COMMD4: variants seen among roughly 807,000 people sequenced by gnomAD.
COMMD4 encodes the protein COMM domain containing 4.
In COMMD4, 18 loss-of-function variants were observed where a neutral mutation model predicts 27.5. The ratio of observed to expected loss-of-function variants is 0.65; its 90% CI spans 0.45 to 0.97. The LOEUF (loss-of-function observed/expected upper bound fraction) is 0.97, where lower values mean the gene tolerates loss of function less well. COMMD4 is among the 50% of genes least tolerant of loss of function. The probability of loss-of-function intolerance (pLI) is 0.00; values close to 1 mark genes in which losing one functional copy is unlikely to be tolerated. For missense variants in COMMD4, 243 were observed against 250.0 expected (o/e 0.97, Z 0.19); for synonymous variants, 108 against 108.4 (o/e 1.00, Z 0.02).
chr15:75,339,342 G>A lies in COMMD4; in HGVS notation c.380G>A (p.Arg127His), dbSNP rs757793812. The A allele has an allele frequency of 6.8e-6, 11 of 1,610,886 alleles. No homozygotes were observed. Among genetic ancestry groups the A allele is most frequent in the African/African-American group, 1.3e-5 (1 of 74,842 alleles). ...AAGCACTTGCGGGTCTGCAGCCTAC[G>A]CAGTAAGTATGAGGCCAGCCAGGGT... ...LQKHLRVCSLRMNRLAGVGWR... is the reference protein window; with the variant it reads ...LQKHLRVCSLHMNRLAGVGWR... The change falls in exon 6 of 8, where the codon CGC (arginine) becomes CAC (histidine). Residue 127 changes from arginine to histidine, a missense_variant and splice_region_variant. Arg to His is a conservative substitution (Grantham distance 29, BLOSUM62 0). Coordinates refer to ENST00000267935, the MANE Select transcript of COMMD4 (RefSeq NM_017828.5).
chr15:75,337,647 G>A (rs967966177), intron 1 of COMMD4: 13 of 207,178 alleles, frequency 6.3e-5, no homozygotes, highest in Non-Finnish European at 1.1e-4. Flanking sequence ...GCATGGAGGC[G>A]GGAGCAAGGC....
At chr15:75,336,245 A>T (rs533436679) in intron 1 of COMMD4, 153 bp downstream of exon 1, 1 of 1,525,414 alleles carries the variant, frequency 6.6e-7, no homozygotes, top group Non-Finnish European at 8.8e-7. Flanking sequence ...GGAAAAGTCC[A>T]CCACTCTCCC....
chr15:75,336,118 C>T (rs1374443694), intron 1 of COMMD4, 26 bp downstream of exon 1: 10 of 1,549,794 alleles, frequency 6.5e-6, no homozygotes, highest in Middle Eastern at 2.2e-4. Context: ...CGAAGCGAGG[C>T]TTGGGCTGCT....
At chr15:75,337,811 A>G in intron 1 of COMMD4, 1 of 549,938 alleles carries the variant, frequency 1.8e-6, no homozygotes, top group South Asian at 2.2e-5. Flanking sequence ...TAGCACAGAG[A>G]AGGTGCTTAA....
At chr15:75,337,986 A>G (rs2071273682) in intron 1 of COMMD4, 76 bp from the exon 2 acceptor site, 2 of 1,432,772 alleles carry the variant, frequency 1.4e-6, no homozygotes, top group South Asian at 2.5e-5. Context: ...GGTGGGCAGC[A>G]GTGTGGGAGA....
chr15:75,338,915 AGTT>A, intron 4 of COMMD4, 67 bp from the exon 5 acceptor site: 1 of 1,613,132 alleles, frequency 6.2e-7, no homozygotes. Context: ...TTTGAGCTAA[AGTT>A]AATAGGGCAA....
At chr15:75,341,768 AAGT>A (rs1160985162), downstream of COMMD4, 6 of 152,166 alleles carry the variant, frequency 3.9e-5, no homozygotes, top group African/African-American at 1.2e-4. Context: ...GGAATGGAAA[AAGT>A]ATTCAAAAAA....
intron 3 of COMMD4, 73 bp from the exon 4 acceptor site, chr15:75,338,573 C>T: frequency 6.3e-7 from 1 of 1,593,392 alleles, no homozygotes; most frequent in African/African-American, 1.3e-5. Context: ...TTCCTTATCG[C>T]AGGATCCAGG....
In COMMD4 at chr15:75,337,523, C is replaced by T. The variant is rs537534808; in HGVS notation, c.4-539C>T. ...AGGAGAATCACTTGAACCTGGGAAG[C>T]GGAGGTTGCAGTGAGCCGAGGTCGC... On this transcript the variant is annotated intron_variant, in intron 1 of 7. Coordinates refer to ENST00000267935, the MANE Select transcript of COMMD4 (RefSeq NM_017828.5). 7 of 151,218 alleles carry T rather than the reference C, an allele frequency of 4.6e-5. No homozygotes were observed. In the South Asian group the frequency reaches 1.0e-3, roughly 22 times the overall value. The allele number at this position is 151,218 out of a possible 1,614,324, so 9.4% of individuals were successfully genotyped here.
At chr15:75,337,548 C>T (rs1344056758) in intron 1 of COMMD4, 5 of 152,582 alleles carry the variant, frequency 3.3e-5, no homozygotes, top group South Asian at 2.0e-4. Context: ...GCCGAGGTCG[C>T]GCCATTGCAC....
At chr15:75,338,023 C>G (rs2071275969) in intron 1 of COMMD4, 39 bp from the exon 2 acceptor site, 7 of 1,577,130 alleles carry the variant, frequency 4.4e-6, no homozygotes, top group Non-Finnish European at 6.0e-6. Context: ...ACACCTCAGG[C>G]CTCCCTCCAG....
chr15:75,339,471 A>G, intron 6 of COMMD4, 127 bp downstream of exon 6: 1 of 1,440,652 alleles, frequency 6.9e-7, no homozygotes, highest in African/African-American at 1.4e-5. Context: ...TAGAGCTGGG[A>G]CCTGGCCCTG....
At chr15:75,336,159 C>T in intron 1 of COMMD4, 67 bp downstream of exon 1, 1 of 1,549,542 alleles carries the variant, frequency 6.5e-7, no homozygotes, top group Non-Finnish European at 8.7e-7. Flanking sequence ...CCAAGTGGCT[C>T]CGGAAACTGG....
chr15:75,338,184 GA>G (rs761431155), intron 2 of COMMD4, 51 bp downstream of exon 2: 1 of 1,550,618 alleles, frequency 6.4e-7, no homozygotes, highest in East Asian at 2.4e-5. Context: ...TGGGGGTGGG[GA>G]TTGTGGGTGT....
intron 1 of COMMD4, chr15:75,337,290 C>T (rs2071237526): frequency 6.6e-6 from 1 of 151,606 alleles, no homozygotes; most frequent in Admixed American, 6.6e-5. Context: ...TGATGTGTCA[C>T]TTAAAGGATA....
chr15:75,337,284 G>A (rs962357064), intron 1 of COMMD4: 2 of 151,884 alleles, frequency 1.3e-5, no homozygotes, highest in Non-Finnish European at 2.9e-5. Context: ...CTGGTCTGAT[G>A]TGTCACTTAA....
Position 75,336,272 on chromosome 15 carries a change from C to T in COMMD4, c.3+180C>T, listed in dbSNP as rs146933524. 3.5e-4 allele frequency: 522 copies of T among 1,494,776 alleles called. No individual in the cohort carries two copies. In the African/African-American group the frequency reaches 6.6e-3, roughly 19 times the overall value. The allele number at this position is 1,494,776 out of a possible 1,614,324, so 92.6% of individuals were successfully genotyped here. On this transcript the variant is annotated intron_variant, in intron 1 of 7. Transcript: ENST00000267935. ...CACTCTCCCGCTCCCGAGACGGGGG[C>T]GGGGGTACGGGGCGGGTAAGACAGA...
rs1387899839 is a variant in COMMD4, at chr15:75,338,127, C to T, written c.69C>T (p.Ala23=). The change falls in exon 2 of 8, where the codon GCC becomes GCT. Residue 23 remains alanine (A), a synonymous_variant. Transcript: ENST00000267935. Reference sequence around the variant, plus strand: ...TCCTGGCAGAAATCAGCACGCTGGCCAAGATGGTTGAGTGCACAGGGTCTA... The same window carrying T: ...TCCTGGCAGAAATCAGCACGCTGGCTAAGATGGTTGAGTGCACAGGGTCTA... ...DWVLAEISTL[A]KMSSVKLRLL... is the part of the protein sequence containing the mutation. The T allele has an allele frequency of 6.2e-7, 1 of 1,603,040 alleles. No homozygotes were observed. Among genetic ancestry groups the T allele is most frequent in the East Asian group, 2.3e-5 (1 of 44,412 alleles).
Position 75,339,738 on chromosome 15 carries a change from A to G in COMMD4, c.419A>G (p.Tyr140Cys). 6.2e-7 allele frequency: 1 copy of G among 1,611,082 alleles called. No individual in the cohort carries two copies. Among genetic ancestry groups the G allele is most frequent in the Non-Finnish European group, 8.5e-7 (1 of 1,178,160 alleles). Reference sequence around the variant, plus strand: ...GCAGGTGTGGGCTGGCGGGTGGACTACACCCTGAGCTCCAGCCTGCTGCAA... The same window carrying G: ...GCAGGTGTGGGCTGGCGGGTGGACTGCACCCTGAGCTCCAGCCTGCTGCAA... ...RLAGVGWRVD[Y>C]TLSSSLLQSV... Residue 140 changes from tyrosine (Y) to cysteine (C), a missense_variant, in exon 7 of 8, where the codon TAC becomes TGC. Physicochemically the swap from Tyr to Cys is radical, Grantham distance 194. Coordinates refer to ENST00000267935, the MANE Select transcript of COMMD4 (RefSeq NM_017828.5).
Sources: allele counts gnomAD v4.1 joint callset, GRCh38; gene constraint gnomAD v4.1.1; transcripts MANE v1.5; gene names NCBI Gene and HGNC (gene_info 2026-07-23, HGNC 2026-07-21).